Variants in LRRC7 observed in about 807,000 individuals in gnomAD.
LRRC7 encodes the protein leucine-rich repeat-containing protein 7.
LRRC7 carries 23 observed loss-of-function variants against 175.7 expected under a neutral mutation model. The observed-to-expected ratio is 0.13, with a 90% CI of 0.09 to 0.19. The LOEUF (loss-of-function observed/expected upper bound fraction) is 0.19. Among genes scored for constraint, LRRC7 ranks in the 10% least tolerant of loss-of-function variants. The probability of loss-of-function intolerance (pLI) is 1.00; values close to 1 mark genes in which losing one functional copy is unlikely to be tolerated. For synonymous variants in LRRC7, 685 were observed against 680.9 expected (o/e 1.01, Z -0.09); for missense variants, 1,354 against 1,904.7 (o/e 0.71, Z 5.38).
chr1:69,728,941 A>T (rs1667267562), intron 2 of LRRC7, among the ~76,000 whole-genome samples: 1 of 152,190 alleles, frequency 6.6e-6, no homozygotes, highest in Non-Finnish European at 1.5e-5. Context: ...AGCATGGCTG[A>T]GGAGGCCTCA....
At chr1:69,832,086 A>T in intron 5 of LRRC7, among the ~76,000 whole-genome samples, 1 of 152,178 alleles carries the variant, frequency 6.6e-6, no homozygotes, top group Non-Finnish European at 1.5e-5. Context: ...TTAGAAAAGA[A>T]TACAGCAGTG....
intron 1 of LRRC7, among the ~76,000 whole-genome samples, chr1:69,643,097 C>G (rs892532317): frequency 1.6e-4 from 25 of 152,098 alleles, no homozygotes; most frequent in Non-Finnish European, 2.2e-4. Flanking sequence ...GAAGCAGGGG[C>G]TCCTGTGTCC....
chr1:69,592,065 C>A (rs533715388), intron 1 of LRRC7, among the ~76,000 whole-genome samples: 2 of 152,078 alleles, frequency 1.3e-5, no homozygotes, highest in East Asian at 3.9e-4. Flanking sequence ...AGAATAAAGG[C>A]AATTACATTA....
rs1051213416 is a variant in LRRC7, at chr1:70,141,199, T to C, written c.*19312T>C. Among the ~76,000 whole-genome samples, 1 of 152,036 alleles carries C rather than the reference T, an allele frequency of 6.6e-6. No individual in the cohort carries two copies. The highest frequency in any genetic ancestry group is 1.5e-5 in the Non-Finnish European group (1 of 67,990). ...AAATGAGCAAGGGAGCTTCATTCAG[T>C]TGGGACAATTCAGGGTTCAGGTACG... On this transcript the variant is annotated 3_prime_UTR_variant, in exon 27 of 27. Transcript: ENST00000651989.
In LRRC7 at chr1:69,820,869, A is replaced by G. The variant is rs564588066; in HGVS notation, c.422-4879A>G. Among the ~76,000 whole-genome samples the G allele has an allele frequency of 2.1e-4, 32 of 152,314 alleles. No homozygotes were observed. In the South Asian group the frequency reaches 5.6e-3, roughly 27 times the overall value. On this transcript the variant is annotated intron_variant, in intron 4 of 26. Coordinates refer to ENST00000651989, the MANE Select transcript of LRRC7 (RefSeq NM_001370785.2). ...TAGAATGATTTATAATCCTTTGGGT[A>G]TATACCCAGTAATGGGATTGCTGGG...
intron 2 of LRRC7, among the ~76,000 whole-genome samples, chr1:69,718,088 AAG>A (rs1411570321): frequency 2.3e-5 from 3 of 129,586 alleles, no homozygotes; most frequent in African/African-American, 9.4e-5. Context: ...GAGAGAGAAA[AAG>A]AAAGAGAAGA....
chr1:69,853,410 C>T (rs748322188), intron 7 of LRRC7, among the ~76,000 whole-genome samples: 1 of 151,132 alleles, frequency 6.6e-6, no homozygotes, highest in Non-Finnish European at 1.5e-5. Context: ...TCCCGAGTAG[C>T]TGGGACTACA....
chr1:69,651,130 C>T (rs1023629748), intron 1 of LRRC7, among the ~76,000 whole-genome samples: 2 of 152,154 alleles, frequency 1.3e-5, no homozygotes, highest in African/African-American at 4.8e-5. Context: ...TTAGTTTTGG[C>T]ATGAACTTAG....
chr1:69,832,090 A>G (rs1440864209), intron 5 of LRRC7, among the ~76,000 whole-genome samples: 1 of 152,196 alleles, frequency 6.6e-6, no homozygotes, highest in Non-Finnish European at 1.5e-5. Context: ...AAAAGAATAC[A>G]GCAGTGTATT....
chr1:69,636,491 A>G (rs1317592926), intron 1 of LRRC7, among the ~76,000 whole-genome samples: 2 of 151,888 alleles, frequency 1.3e-5, no homozygotes, highest in African/African-American at 4.8e-5. Context: ...ATTAAAGGCT[A>G]TGGTTATCTA....
chr1:69,950,647 G>A lies in LRRC7; in HGVS notation c.711+19077G>A, dbSNP rs17131091. ...TTTTATTGTAAACTAAGTGTTAGAA[G>A]TTGTGGTAAGTGCTAAAATTTTAAT... On this transcript the variant is annotated intron_variant, in intron 8 of 26. Transcript: ENST00000651989. Among the ~76,000 whole-genome samples the A allele has an allele frequency of 8.1e-3, 1,238 of 152,142 alleles. 14 individuals carry two copies. Among genetic ancestry groups the A allele is most frequent in the African/African-American group, 0.027 (1,135 of 41,528 alleles).
At chr1:70,109,670 A>G (rs1665389017) in intron 26 of LRRC7, among the ~76,000 whole-genome samples, 1 of 152,232 alleles carries the variant, frequency 6.6e-6, no homozygotes, top group Non-Finnish European at 1.5e-5. Context: ...TGTAAAATGA[A>G]CTGCTGTTTA....
intron 1 of LRRC7, among the ~76,000 whole-genome samples, chr1:69,663,866 C>T (rs11209509): frequency 6.6e-6 from 1 of 151,406 alleles, no homozygotes; most frequent in Non-Finnish European, 1.5e-5. Flanking sequence ...GGACTACAGG[C>T]GCCCGCCACC....
intron 2 of LRRC7, among the ~76,000 whole-genome samples, chr1:69,732,455 T>G (rs1461238055): frequency 2.0e-5 from 3 of 152,002 alleles, no homozygotes; most frequent in Non-Finnish European, 2.9e-5. Flanking sequence ...CCTGAAAACT[T>G]AGAAATAAAG....
At chr1:69,580,681 C>T (rs940015690) in intron 1 of LRRC7, among the ~76,000 whole-genome samples, 7 of 152,206 alleles carry the variant, frequency 4.6e-5, no homozygotes, top group African/African-American at 2.4e-5. Flanking sequence ...TGCCTGCCTG[C>T]ATTCATTCAT....
At chr1:69,854,059 T>A (rs1404945204) in intron 7 of LRRC7, among the ~76,000 whole-genome samples, 1 of 152,220 alleles carries the variant, frequency 6.6e-6, no homozygotes, top group Non-Finnish European at 1.5e-5. Flanking sequence ...TGTTTTTTAG[T>A]TGAGATCCTT....
intron 2 of LRRC7, among the ~76,000 whole-genome samples, chr1:69,756,515 G>T (rs540067056): frequency 1.3e-5 from 2 of 151,502 alleles, no homozygotes; most frequent in Non-Finnish European, 2.9e-5. Context: ...AAAACTTTCC[G>T]GTGGAGAAAA....
rs1308796850 is a variant in LRRC7, at chr1:70,124,922, G to T, written c.*3035G>T. On this transcript the variant is annotated 3_prime_UTR_variant, in exon 27 of 27. Coordinates refer to ENST00000651989, the MANE Select transcript of LRRC7 (RefSeq NM_001370785.2). Reference sequence around the variant, plus strand: ...TGGAGGAGACTGAGAAACATTAGAGGTAGAAAGAGCAAGTGATGAAAATTA... The same window carrying T: ...TGGAGGAGACTGAGAAACATTAGAGTTAGAAAGAGCAAGTGATGAAAATTA... Among the ~76,000 whole-genome samples the T allele has an allele frequency of 6.6e-6, 1 of 152,156 alleles. No homozygotes were observed. Among genetic ancestry groups the T allele is most frequent in the African/African-American group, 2.4e-5 (1 of 41,410 alleles).
chr1:70,063,487 A>C (rs1288166721), intron 23 of LRRC7, among the ~76,000 whole-genome samples: 1 of 152,070 alleles, frequency 6.6e-6, no homozygotes, highest in East Asian at 1.9e-4. Flanking sequence ...TTATGGACCA[A>C]TGAAGTAAAG....
Sources: gnomAD v4.1 joint callset for allele counts (sites outside exome capture counted in the v4.1 genomes callset) on GRCh38, gnomAD v4.1.1 for gene constraint, MANE v1.5 for transcripts, NCBI Gene and HGNC (gene_info 2026-07-23, HGNC 2026-07-21) for gene names.